Variants in SVEP1 observed in about 807,000 individuals in gnomAD.
The protein encoded by SVEP1 is sushi, von Willebrand factor type A, EGF and pentraxin domain containing 1.
In SVEP1, 164 loss-of-function variants were observed where a neutral mutation model predicts 367.3. The observed-to-expected ratio is 0.45, with a 90% CI of 0.39 to 0.51. The LOEUF is 0.51. Among genes scored for constraint, SVEP1 ranks in the 20% least tolerant of loss-of-function variants. The pLI, the probability that SVEP1 is intolerant of heterozygous loss-of-function variation, is 0.00. For missense variants in SVEP1, 4,117 were observed against 4,425.3 expected (o/e 0.93, Z 1.98); for synonymous variants, 1,666 against 1,611.6 (o/e 1.03, Z -0.81).
intron 47 of SVEP1, among the ~76,000 whole-genome samples, chr9:110,369,397 A>G (rs1445324052): frequency 6.6e-6 from 1 of 152,238 alleles, no homozygotes; most frequent in Non-Finnish European, 1.5e-5. Context: ...AATACAAAAT[A>G]TATTACTTTA....
In SVEP1 at chr9:110,574,740, C is replaced by CTTTTTT. The variant is rs1564180524; in HGVS notation, c.531+4272_531+4273insAAAAAA. Among the ~76,000 whole-genome samples the CTTTTTT allele has an allele frequency of 4.7e-5, 5 of 106,342 alleles. No individual in the cohort carries two copies. The East Asian group carries it at 9.9e-4, about 21-fold the overall frequency. 69.8% of individuals were successfully genotyped at this position (106,342 alleles called of 152,430 possible). A position where few individuals can be genotyped will look rare whatever the true frequency, so the allele number is the denominator to read the frequency against. On this transcript the variant is annotated intron_variant, in intron 1 of 47. Coordinates refer to ENST00000374469, the MANE Select transcript of SVEP1 (RefSeq NM_153366.4). ...TAGACAGGGACTGAGTCCAGTCGAC[C>CTTTTTT]TTCTTTTTTTTTTTTTTTTTTTTTT...
chr9:110,382,830 T>G (rs1827458414), intron 43 of SVEP1, among the ~76,000 whole-genome samples: 1 of 152,236 alleles, frequency 6.6e-6, no homozygotes, highest in South Asian at 2.1e-4. Context: ...TCTAAAATTC[T>G]TTCCTCCACT....
chr9:110,388,981 AAAATACAT>A (rs972658765), intron 41 of SVEP1, among the ~76,000 whole-genome samples: 26 of 144,634 alleles, frequency 1.8e-4, no homozygotes, highest in African/African-American at 6.0e-4. Context: ...AATAAAAATA[AAAATACAT>A]AAATACATAC....
intron 47 of SVEP1, 105 bp from the exon 48 acceptor site, chr9:110,366,665 A>G: frequency 2.7e-6 from 3 of 1,109,830 alleles, no homozygotes; most frequent in Non-Finnish European, 3.7e-6. Context: ...AAAGTCCCAG[A>G]TACCTGGGCA....
intron 40 of SVEP1, among the ~76,000 whole-genome samples, chr9:110,392,394 T>A (rs1460671457): frequency 6.6e-6 from 1 of 151,966 alleles, no homozygotes; most frequent in African/African-American, 2.4e-5. Context: ...AGAGGCTTGA[T>A]AATTTCCGTA....
intron 40 of SVEP1, among the ~76,000 whole-genome samples, chr9:110,392,499 T>A (rs1016148689): frequency 6.6e-6 from 1 of 152,110 alleles, no homozygotes; most frequent in South Asian, 2.1e-4. Context: ...TGTCTGGTTG[T>A]CTCCATTTTT....
intron 17 of SVEP1, among the ~76,000 whole-genome samples, chr9:110,466,826 T>C (rs907538245): frequency 6.7e-6 from 1 of 150,038 alleles, no homozygotes; most frequent in Non-Finnish European, 1.5e-5. Flanking sequence ...TCCTCCTACC[T>C]AGACACGCCA....
chr9:110,374,810 A>G (rs1564121896), intron 46 of SVEP1, among the ~76,000 whole-genome samples: 1 of 152,228 alleles, frequency 6.6e-6, no homozygotes. Context: ...ATTCAACCCA[A>G]GCAATCCCAT....
intron 43 of SVEP1, among the ~76,000 whole-genome samples, chr9:110,380,232 C>G (rs1300422922): frequency 3.9e-5 from 6 of 152,134 alleles, no homozygotes; most frequent in African/African-American, 1.2e-4. Flanking sequence ...TTACAAGAAG[C>G]CTCAAGATAA....
At chr9:110,571,210 CCACCTG>C (rs1482630995) in intron 1 of SVEP1, among the ~76,000 whole-genome samples, 2 of 152,058 alleles carry the variant, frequency 1.3e-5, no homozygotes, top group African/African-American at 4.8e-5. Flanking sequence ...CTCAGGTGAT[CCACCTG>C]CCTCAGCCTC....
In SVEP1 at chr9:110,411,046, G is replaced by A. The variant is rs1828036092; in HGVS notation, c.6648+17C>T. 6.5e-7 allele frequency: 1 copy of A among 1,532,592 alleles called. No homozygotes were observed. The highest frequency in any genetic ancestry group is 2.1e-5 in the Admixed American group (1 of 48,134). 94.9% of individuals were successfully genotyped at this position (1,532,592 alleles called of 1,614,324 possible). ...CTGTGACAAAAGCCACAGACCATTT[G>A]CTAATTGGTCTCTTACCTCCAGAAA... On this transcript the variant is annotated intron_variant, in intron 37 of 47. Transcript: ENST00000374469.
intron 40 of SVEP1, among the ~76,000 whole-genome samples, chr9:110,390,391 T>G: frequency 2.9e-5 from 2 of 69,074 alleles, no homozygotes; most frequent in African/African-American, 1.5e-4. Flanking sequence ...ATATATATAC[T>G]TATATCTCAC....
chr9:110,439,037 A>G (rs543297033), intron 27 of SVEP1, among the ~76,000 whole-genome samples: 1 of 152,268 alleles, frequency 6.6e-6, no homozygotes, highest in African/African-American at 2.4e-5. Flanking sequence ...CTCTTCAATA[A>G]ACTTGGTCAC....
At chr9:110,502,936 T>C (rs1829558855) in intron 6 of SVEP1, 102 bp downstream of exon 6, 4 of 1,257,816 alleles carry the variant, frequency 3.2e-6, no homozygotes, top group Admixed American at 2.6e-5. Flanking sequence ...GTATTTATAC[T>C]CATTACCAGC....
intron 2 of SVEP1, among the ~76,000 whole-genome samples, chr9:110,549,051 T>A (rs561894680): frequency 4.6e-5 from 7 of 152,284 alleles, no homozygotes; most frequent in African/African-American, 1.7e-4. Context: ...GCCATGGTTT[T>A]CCCCTCAAAC....
intron 40 of SVEP1, among the ~76,000 whole-genome samples, chr9:110,398,913 C>T (rs1257219526): frequency 6.6e-6 from 1 of 152,190 alleles, no homozygotes; most frequent in Non-Finnish European, 1.5e-5. Context: ...TAAACTAGTT[C>T]AACCACTGTG....
At chr9:110,398,071 A>G (rs1003817400) in intron 40 of SVEP1, among the ~76,000 whole-genome samples, 3 of 150,362 alleles carry the variant, frequency 2.0e-5, no homozygotes, top group African/African-American at 7.3e-5. Context: ...TGGAGGCATC[A>G]CGCTACCTGA....
At position 110,435,206 on chromosome 9, in the gene SVEP1, A is replaced by T. The variant is rs931067812; in HGVS notation, c.4888+35T>A. ...GCTAGACAGTCCCAGGGTGGTCAAG[A>T]GATAGTGGAGTCTATGAAAGAAGGA... On this transcript the variant is annotated intron_variant, in intron 29 of 47. Coordinates refer to ENST00000374469, the MANE Select transcript of SVEP1 (RefSeq NM_153366.4). 17 of 1,607,742 alleles carry T rather than the reference A, an allele frequency of 1.1e-5. No homozygotes were observed. The Admixed American group carries it at 1.7e-4, about 16-fold the overall frequency.
At chr9:110,509,302 G>A (rs960521762) in intron 5 of SVEP1, among the ~76,000 whole-genome samples, 12 of 152,192 alleles carry the variant, frequency 7.9e-5, no homozygotes, top group East Asian at 1.9e-4. Flanking sequence ...TATGGTATGC[G>A]TTTCATAGAA....
Sources: allele counts gnomAD v4.1 joint callset (sites outside exome capture counted in the v4.1 genomes callset), GRCh38; gene constraint gnomAD v4.1.1; transcripts MANE v1.5; gene names NCBI Gene and HGNC (gene_info 2026-07-23, HGNC 2026-07-21).